Variants in TRIM2 observed in about 807,000 individuals in gnomAD.
TRIM2 encodes the protein tripartite motif containing 2.
TRIM2 carries 20 observed loss-of-function variants against 75.2 expected under a neutral mutation model. The ratio of observed to expected loss-of-function variants is 0.27; its 90% CI spans 0.19 to 0.39. The LOEUF is 0.39. Ranked by LOEUF, TRIM2 falls within the 10% of genes least tolerant of loss-of-function variation. TRIM2 has a pLI of 1.00. For synonymous variants in TRIM2, 373 were observed against 388.3 expected, an observed-to-expected ratio of 0.96 and a Z score of 0.46; for missense variants, 660 against 990.8, an observed-to-expected ratio of 0.67 and a Z score of 4.48.
intron 3 of TRIM2, among the ~76,000 whole-genome samples, chr4:153,292,384 A>G (rs1761998406): frequency 6.6e-6 from 1 of 152,190 alleles, no homozygotes; most frequent in Non-Finnish European, 1.5e-5. Flanking sequence ...TAATGGGCTT[A>G]TTACTGCTTT....
intron 1 of TRIM2, among the ~76,000 whole-genome samples, chr4:153,161,821 C>G (rs1204579840): frequency 2.6e-5 from 4 of 152,176 alleles, no homozygotes; most frequent in Non-Finnish European, 4.4e-5. Flanking sequence ...CTCCATGGAT[C>G]AAGAGCAAAT....
chr4:153,183,068 G>A (rs896736383), intron 1 of TRIM2, among the ~76,000 whole-genome samples: 3 of 152,250 alleles, frequency 2.0e-5, no homozygotes, highest in Admixed American at 6.5e-5. Context: ...GAATGAATGA[G>A]TGGCTGAATA....
At chr4:153,327,460 T>C (rs979609124) in intron 10 of TRIM2, among the ~76,000 whole-genome samples, 6 of 152,264 alleles carry the variant, frequency 3.9e-5, no homozygotes, top group Non-Finnish European at 7.3e-5. Flanking sequence ...CTTTCAGTTC[T>C]ACATTTGAGG....
intron 1 of TRIM2, among the ~76,000 whole-genome samples, chr4:153,218,456 C>T (rs1218259892): frequency 6.6e-6 from 1 of 152,216 alleles, no homozygotes; most frequent in East Asian, 1.9e-4. Flanking sequence ...GTGATCCTCC[C>T]ACCTTGGTCT....
intron 1 of TRIM2, among the ~76,000 whole-genome samples, chr4:153,269,755 C>T (rs1174863641): frequency 6.6e-6 from 1 of 152,112 alleles, no homozygotes; most frequent in Non-Finnish European, 1.5e-5. Flanking sequence ...CCTCTTTGTA[C>T]AACATGCCCT....
intron 1 of TRIM2, among the ~76,000 whole-genome samples, chr4:153,157,839 G>T (rs960133388): frequency 2.0e-5 from 3 of 152,168 alleles, no homozygotes; most frequent in Non-Finnish European, 2.9e-5. Flanking sequence ...TTCTTCCTAC[G>T]TGCTCCTTTC....
intron 1 of TRIM2, among the ~76,000 whole-genome samples, chr4:153,189,459 G>A (rs1732957764): frequency 6.6e-6 from 1 of 152,210 alleles, no homozygotes; most frequent in South Asian, 2.1e-4. Flanking sequence ...GCTGGCTGAA[G>A]GTGACCTGCT....
chr4:153,290,990 T>C (rs1761734363), intron 3 of TRIM2, among the ~76,000 whole-genome samples: 1 of 151,898 alleles, frequency 6.6e-6, no homozygotes, highest in Non-Finnish European at 1.5e-5. Flanking sequence ...TCAAGCCTAT[T>C]CCTAAAAGGC....
chr4:153,160,783 A>T (rs929685643), intron 1 of TRIM2, among the ~76,000 whole-genome samples: 9 of 152,060 alleles, frequency 5.9e-5, no homozygotes, highest in Non-Finnish European at 1.2e-4. Context: ...TATTTTTTTC[A>T]TAGAGACAAG....
intron 1 of TRIM2, among the ~76,000 whole-genome samples, chr4:153,218,013 C>T (rs1738950648): frequency 6.6e-6 from 1 of 152,154 alleles, no homozygotes; most frequent in Admixed American, 6.5e-5. Flanking sequence ...TTAAAAATAA[C>T]ACTGCTGGTG....
At chr4:153,209,320 A>G (rs1297322847) in intron 1 of TRIM2, among the ~76,000 whole-genome samples, 3 of 152,170 alleles carry the variant, frequency 2.0e-5, no homozygotes, top group African/African-American at 7.2e-5. Context: ...TCACTCCGAT[A>G]TGTTCAAGGG....
At chr4:153,188,087 C>T (rs1414852421) in intron 1 of TRIM2, among the ~76,000 whole-genome samples, 2 of 152,166 alleles carry the variant, frequency 1.3e-5, no homozygotes, top group Non-Finnish European at 2.9e-5. Context: ...AGGACGAAAG[C>T]ACAGAAGCTC....
chr4:153,235,358 C>T (rs1057265526), intron 1 of TRIM2, among the ~76,000 whole-genome samples: 4 of 151,778 alleles, frequency 2.6e-5, no homozygotes, highest in African/African-American at 9.7e-5. Flanking sequence ...GATCACGGCT[C>T]ACTACAGCCT....
chr4:153,317,561 A>G (rs911649954), intron 8 of TRIM2, among the ~76,000 whole-genome samples: 9 of 151,984 alleles, frequency 5.9e-5, no homozygotes, highest in Non-Finnish European at 1.2e-4. Context: ...AGACAGCAGA[A>G]TGGTGTGAAC....
intron 6 of TRIM2, among the ~76,000 whole-genome samples, chr4:153,296,247 C>T (rs1473405363): frequency 2.6e-5 from 4 of 152,204 alleles, no homozygotes; most frequent in Admixed American, 2.6e-4. Context: ...CTCTAGTCTC[C>T]TCCCTACTCC....
At chr4:153,260,284 G>A (rs1254540825) in intron 1 of TRIM2, among the ~76,000 whole-genome samples, 7 of 152,078 alleles carry the variant, frequency 4.6e-5, no homozygotes, top group African/African-American at 1.7e-4. Flanking sequence ...CTGGCAAAGT[G>A]ATGGGTGTGG....
intron 9 of TRIM2, among the ~76,000 whole-genome samples, chr4:153,323,670 T>C (rs1010191912): frequency 6.6e-6 from 1 of 152,062 alleles, no homozygotes; most frequent in Non-Finnish European, 1.5e-5. Context: ...AAATTACATA[T>C]TGGAGTCTCT....
At chr4:153,282,295 T>A (rs1184626869) in intron 3 of TRIM2, among the ~76,000 whole-genome samples, 1 of 152,196 alleles carries the variant, frequency 6.6e-6, no homozygotes, top group African/African-American at 2.4e-5. Context: ...TATTGATAAT[T>A]CAAAATCATT....
chr4:153,240,641 G>A (rs1746312996), intron 1 of TRIM2, among the ~76,000 whole-genome samples: 1 of 152,144 alleles, frequency 6.6e-6, no homozygotes, highest in African/African-American at 2.4e-5. Flanking sequence ...GAAAAAGCAA[G>A]AGTTAACTAC....
Sources: allele counts gnomAD v4.1 joint callset (sites outside exome capture counted in the v4.1 genomes callset), GRCh38; gene constraint gnomAD v4.1.1; transcripts MANE v1.5; gene names NCBI Gene and HGNC (gene_info 2026-07-23, HGNC 2026-07-21).